LYRM4: variants seen among roughly 807,000 people sequenced by gnomAD.
LYRM4 encodes LYR motif containing 4.
LYRM4 carries 9 observed loss-of-function variants against 11.7 expected under a neutral mutation model. The observed-to-expected ratio is 0.77, with a 90% CI of 0.46 to 1.34. The LOEUF is 1.34. Among genes scored for constraint, LYRM4 ranks in the 40% most tolerant of loss-of-function variants. The pLI is 0.00. For missense variants in LYRM4, 133 were observed against 112.5 expected (o/e 1.18, Z -0.82); for synonymous variants, 42 against 40.4 (o/e 1.04, Z -0.15).
Position 5,131,645 on chromosome 6 carries a change from A to G in LYRM4, c.208-22154T>C, listed in dbSNP as rs530180485. ...AATTCATCAAGGACTAGGCCAAAAG[A>G]AAGTCTGAAAAGGCTCAAACCAGTA... On this transcript the variant is annotated intron_variant, in intron 2 of 2. Transcript: ENST00000330636. Among the ~76,000 whole-genome samples the G allele has an allele frequency of 2.0e-5, 3 of 152,332 alleles. No individual in the cohort carries two copies. In the South Asian group the frequency reaches 6.2e-4, roughly 32 times the overall value.
At chr6:5,180,219 G>A (rs553404651) in intron 2 of LYRM4, among the ~76,000 whole-genome samples, 141 of 152,280 alleles carry the variant, frequency 9.3e-4, no homozygotes, top group South Asian at 7.5e-3. Flanking sequence ...TACACCTCCT[G>A]CTGCTCCACA....
At chr6:5,041,473 G>T in the LYRM4 span, among the ~76,000 whole-genome samples, 1 of 152,190 alleles carries the variant, frequency 6.6e-6, no homozygotes, top group Non-Finnish European at 1.5e-5. Context: ...TGCTGTATTT[G>T]CTCCACCAGC....
intron 2 of LYRM4, among the ~76,000 whole-genome samples, chr6:5,118,852 C>T (rs1763269099): frequency 6.6e-6 from 1 of 152,198 alleles, no homozygotes; most frequent in African/African-American, 2.4e-5. Context: ...AGCCCTCAGT[C>T]CACATAACCT....
intron 2 of LYRM4, among the ~76,000 whole-genome samples, chr6:5,160,887 G>A (rs1288907655): frequency 1.3e-5 from 2 of 152,064 alleles, no homozygotes; most frequent in Non-Finnish European, 2.9e-5. Flanking sequence ...ATATGTGATG[G>A]GGAGCAAACG....
intron 2 of LYRM4, among the ~76,000 whole-genome samples, chr6:5,203,242 A>G (rs1160817043): frequency 2.0e-5 from 3 of 152,208 alleles, no homozygotes; most frequent in Non-Finnish European, 4.4e-5. Flanking sequence ...ATTTCACTGA[A>G]GCTCTGATTA....
At chr6:5,113,528 C>A (rs1479554407) in intron 2 of LYRM4, 2 of 283,104 alleles carry the variant, frequency 7.1e-6, no homozygotes, top group South Asian at 2.9e-5. Flanking sequence ...GAAGGGGGAC[C>A]CACCCTTGCA....
At chr6:5,065,816 A>G in the LYRM4 span, 5 of 324,282 alleles carry the variant, frequency 1.5e-5, no homozygotes, top group South Asian at 3.6e-4. Flanking sequence ...CCAGGGTTTC[A>G]TCATATAGCC....
the LYRM4 span, among the ~76,000 whole-genome samples, chr6:5,071,392 C>T: frequency 6.6e-6 from 1 of 151,980 alleles, no homozygotes; most frequent in African/African-American, 2.4e-5. Context: ...GGGCTGGCTC[C>T]TCAGGAAGAA....
At chr6:5,149,247 G>A (rs1757953319) in intron 2 of LYRM4, among the ~76,000 whole-genome samples, 3 of 152,200 alleles carry the variant, frequency 2.0e-5, no homozygotes, top group African/African-American at 4.8e-5. Flanking sequence ...AAGAAGCCCC[G>A]ACACGTGGGA....
chr6:5,218,467 A>T (rs1762403656), intron 1 of LYRM4: 1 of 746,110 alleles, frequency 1.3e-6, no homozygotes, highest in Non-Finnish European at 1.6e-6. Flanking sequence ...ATTTTACATT[A>T]AAAAATTCAA....
At chr6:5,220,166 C>T (rs1561880024) in intron 1 of LYRM4, among the ~76,000 whole-genome samples, 1 of 152,178 alleles carries the variant, frequency 6.6e-6, no homozygotes, top group Non-Finnish European at 1.5e-5. Context: ...GAGATTCTTC[C>T]ACTCAAAACT....
chr6:5,126,058 C>T (rs1763687355), intron 2 of LYRM4, among the ~76,000 whole-genome samples: 1 of 152,222 alleles, frequency 6.6e-6, no homozygotes, highest in African/African-American at 2.4e-5. Context: ...TAATACGTTC[C>T]TGTCACTTAC....
intron 2 of LYRM4, among the ~76,000 whole-genome samples, chr6:5,118,227 A>C (rs77126384): frequency 6.6e-6 from 1 of 151,062 alleles, no homozygotes; most frequent in Non-Finnish European, 1.5e-5. Flanking sequence ...AGTGATTCTC[A>C]TGCCTCAGCT....
intron 2 of LYRM4, among the ~76,000 whole-genome samples, chr6:5,206,882 CTGACCAATCCATGAAA>C (rs1561870570): frequency 2.3e-5 from 1 of 42,614 alleles, no homozygotes; most frequent in African/African-American, 5.6e-5. Flanking sequence ...ATCCATGTAA[CTGACCAATCCATGAAA>C]TCGCAGCTTC....
the LYRM4 span, among the ~76,000 whole-genome samples, chr6:5,062,443 T>G: frequency 6.6e-6 from 1 of 151,984 alleles, no homozygotes; most frequent in Non-Finnish European, 1.5e-5. Flanking sequence ...AGAGCCACCA[T>G]GTCTGGCCTT....
chr6:5,138,486 C>CAAAAA (rs1490809192), intron 2 of LYRM4, among the ~76,000 whole-genome samples: 1 of 32,110 alleles, frequency 3.1e-5, no homozygotes, highest in Non-Finnish European at 5.2e-5. Context: ...GACCCTGTCT[C>CAAAAA]CAAAAAAAAA....
intron 1 of LYRM4, among the ~76,000 whole-genome samples, chr6:5,253,876 T>C (rs1257951981): frequency 6.6e-6 from 1 of 151,952 alleles, no homozygotes; most frequent in Non-Finnish European, 1.5e-5. Flanking sequence ...TGTCTTCTCT[T>C]ATTCCATGCA....
chr6:5,091,764 CAT>C, the LYRM4 span, among the ~76,000 whole-genome samples: 1 of 152,194 alleles, frequency 6.6e-6, no homozygotes, highest in Non-Finnish European at 1.5e-5. Flanking sequence ...TTAAGTAAGT[CAT>C]GAGTTCAGAG....
At chr6:5,128,145 T>G (rs1763781454) in intron 2 of LYRM4, among the ~76,000 whole-genome samples, 1 of 152,206 alleles carries the variant, frequency 6.6e-6, no homozygotes, top group African/African-American at 2.4e-5. Context: ...TTACAGTTGT[T>G]GATTTCTCTA....
Sources: gnomAD v4.1 joint callset for allele counts (sites outside exome capture counted in the v4.1 genomes callset) on GRCh38, gnomAD v4.1.1 for gene constraint, MANE v1.5 for transcripts, NCBI Gene and HGNC (gene_info 2026-07-23, HGNC 2026-07-21) for gene names.